The following DMBT1 variants were observed in gnomAD, a reference collection of about 807,000 sequenced individuals.
DMBT1 encodes deleted in malignant brain tumors 1, also known as scavenger receptor cysteine-rich domain-containing protein DMBT1.
DMBT1 carries 198 observed loss-of-function variants against 252.9 expected under a neutral mutation model. That is an observed-to-expected ratio of 0.78 (90% CI 0.70 to 0.88). The LOEUF (loss-of-function observed/expected upper bound fraction) is 0.88. Among genes scored for constraint, DMBT1 ranks in the 40% least tolerant of loss-of-function variants. The probability of loss-of-function intolerance (pLI) is 0.00; values close to 1 mark genes in which losing one functional copy is unlikely to be tolerated. For missense variants in DMBT1, 2,432 were observed against 2,404.7 expected (o/e 1.01, Z -0.24); for synonymous variants, 990 against 942.7 (o/e 1.05, Z -0.92).
chr10:122,588,470 C>T (rs1251466866), intron 16 of DMBT1, among the ~76,000 whole-genome samples: 1 of 148,988 alleles, frequency 6.7e-6, no homozygotes, highest in Non-Finnish European at 1.5e-5. Flanking sequence ...CCTATTCGAC[C>T]TCGTTCCTGG....
rs1336744168 is a variant in DMBT1, at chr10:122,576,639, A to G, written c.524A>G (p.Glu175Gly). 1 of 1,613,810 alleles carries G rather than the reference A, an allele frequency of 6.2e-7. No homozygotes were observed. Among genetic ancestry groups the G allele is most frequent in the African/African-American group, 1.3e-5 (1 of 75,046 alleles). ...ALDDVRCSGHESYLWSCPHNG... is the reference protein window; with the variant it reads ...ALDDVRCSGHGSYLWSCPHNG... ...GATGATGTGCGCTGCTCAGGACACG[A>G]ATCCTACCTGTGGAGCTGCCCCCAC... Residue 175 changes from glutamate (E) to glycine (G), a missense_variant, in exon 7 of 56, where the codon GAA becomes GGA. By Grantham distance (98) the Glu-to-Gly change is moderately conservative. Coordinates refer to ENST00000338354, the MANE Select transcript of DMBT1 (RefSeq NM_001377530.1).
chr10:122,633,193 G>T lies in DMBT1; in HGVS notation c.6400G>T (p.Asp2134Tyr). 2 of 1,613,914 alleles carry T rather than the reference G, an allele frequency of 1.2e-6. No homozygotes were observed. Among genetic ancestry groups the T allele is most frequent in the Non-Finnish European group, 1.7e-6 (2 of 1,179,810 alleles). The change falls in exon 52 of 56, where the codon GAT becomes TAT. Residue 2134 changes from aspartate to tyrosine, a missense_variant and splice_region_variant. This residue lies in a region of DMBT1 where 1,162 missense variants were observed against 1,169.0 expected (regional missense o/e 0.99). Transcript: ENST00000338354. ...ATTCCCACTTTTTGTCCTGACAGCA[G>T]ATTATTCCTGCGGAGGCTTCCTATC... ...PFLNITRPNT[D>Y]YSCGGFLSQP...
In DMBT1 at chr10:122,632,093, C is replaced by A. The variant is rs563252732; in HGVS notation, c.6367+218C>A. 4.6e-5 allele frequency among the ~76,000 whole-genome samples: 7 copies of A among 152,204 alleles called. No individual in the cohort carries two copies. In the South Asian group the frequency reaches 1.5e-3, roughly 32 times the overall value. On this transcript the variant is annotated intron_variant, in intron 50 of 55. Coordinates refer to ENST00000338354, the MANE Select transcript of DMBT1 (RefSeq NM_001377530.1). ...CCTAAGATTAGGATCTCCAGTCAGT[C>A]CCGAGGTGAGGCCCGCCACCTGTCA...
intron 26 of DMBT1, among the ~76,000 whole-genome samples, chr10:122,599,439 C>A (rs112243137): frequency 0.062 from 9,412 of 152,208 alleles, 321 homozygotes; most frequent in South Asian, 0.13. Flanking sequence ...GACAGCAAGG[C>A]GGGGTAGGGA....
At chr10:122,625,449 G>T (rs1476789328) in intron 45 of DMBT1, 146 bp downstream of exon 45, 3 of 811,430 alleles carry the variant, frequency 3.7e-6, no homozygotes, top group South Asian at 1.5e-5. Context: ...GTGACGAGCT[G>T]AGTTCCCACT....
chr10:122,574,101 T>C (rs1282613472), intron 6 of DMBT1, among the ~76,000 whole-genome samples: 1 of 152,202 alleles, frequency 6.6e-6, no homozygotes, highest in Non-Finnish European at 1.5e-5. Flanking sequence ...GATCTCTGGC[T>C]ACAGGGCCTT....
rs1164819466 is a variant in DMBT1, at chr10:122,640,457, G to A, written c.7352+8G>A. 1.2e-6 allele frequency: 2 copies of A among 1,606,916 alleles called. No homozygotes were observed. Among genetic ancestry groups the A allele is most frequent in the Admixed American group, 1.7e-5 (1 of 59,856 alleles). On this transcript the variant is annotated splice_region_variant and intron_variant, in intron 55 of 55. Transcript: ENST00000338354. ...TGATCTAATCCGGAGTGGGTAAGGA[G>A]TGTCTTTATGCGATGGCCTTAAACC...
In DMBT1 at chr10:122,620,427, T is replaced by A. The variant is rs1301001545; in HGVS notation, c.5284+136T>A. 3 of 1,030,864 alleles carry A rather than the reference T, an allele frequency of 2.9e-6. No individual in the cohort carries two copies. In the East Asian group the frequency reaches 7.4e-5, roughly 25 times the overall value. The allele number at this position is 1,030,864 out of a possible 1,614,324, so 63.9% of individuals were successfully genotyped here. ...CCGCGAGTTGCCTGGGGAGGTAGAC[T>A]CCCTGGGAACCTAGTCCTGGGTCAG... is the stretch of plus-strand genomic sequence containing the variant. On this transcript the variant is annotated intron_variant, in intron 43 of 55. Transcript: ENST00000338354.
In DMBT1 at chr10:122,586,256, C is replaced by A; in HGVS notation, c.1656C>A (p.Gly552=). Reference sequence around the variant, plus strand: ...CAGGAAATGCCCGGTTTGGTCAGGGCTCAGGACCCATTGTCCTGGATGACG... The same window carrying A: ...CAGGAAATGCCCGGTTTGGTCAGGGATCAGGACCCATTGTCCTGGATGACG... ...LAPGNARFGQ[G]SGPIVLDDVR... Residue 552 remains glycine (G), a synonymous_variant, in exon 16 of 56, where the codon GGC becomes GGA. Transcript: ENST00000338354. 7 of 1,588,828 alleles carry A rather than the reference C, an allele frequency of 4.4e-6. 1 individual carries two copies. The highest frequency in any genetic ancestry group is 6.0e-6 in the Non-Finnish European group (7 of 1,165,918).
Position 122,621,389 on chromosome 10 carries a change from TC to T in DMBT1, c.5608+10del. ...TGGTGTCATCTGCTCAGGTGGGCCTTCAAGACCTGGGGCTCCCTCTCTTGGG... is the reference window on the plus strand; with the variant it reads ...TGGTGTCATCTGCTCAGGTGGGCCTTAAGACCTGGGGCTCCCTCTCTTGGG... On this transcript the variant is annotated intron_variant, in intron 44 of 55. Coordinates refer to ENST00000338354, the MANE Select transcript of DMBT1 (RefSeq NM_001377530.1). The T allele has an allele frequency of 6.2e-7, 1 of 1,613,818 alleles. No individual in the cohort carries two copies. The highest frequency in any genetic ancestry group is 8.5e-7 in the Non-Finnish European group (1 of 1,179,752).
rs775567174 is a variant in DMBT1 at position 122,591,154 on chromosome 10, T to C, written c.2138-325T>C. The stretch of plus-strand genomic sequence containing the variant: ...CAGCTCCCTGATCCTTCTAACATTT[T>C]AGTTTCAAGCGTGAGAGGCTCAGCA... On this transcript the variant is annotated intron_variant, in intron 18 of 55. Transcript: ENST00000338354. Among the ~76,000 whole-genome samples the C allele has an allele frequency of 4.0e-5, 6 of 148,750 alleles. 1 individual carries two copies. The highest frequency in any genetic ancestry group is 7.5e-5 in the Non-Finnish European group (5 of 66,832).
At chr10:122,585,137 A>G in intron 14 of DMBT1, 134 bp from the exon 15 acceptor site, 1 of 1,204,418 alleles carries the variant, frequency 8.3e-7, no homozygotes, top group Non-Finnish European at 1.2e-6. Flanking sequence ...ACTTGGGCAG[A>G]CACATGGGGA....
chr10:122,576,393 C>T lies in DMBT1; in HGVS notation c.284-6C>T. On this transcript the variant is annotated splice_region_variant and splice_polypyrimidine_tract_variant and intron_variant, in intron 6 of 55. Transcript: ENST00000338354. ...TGTGCAAGAGAAATTCTGTGCCTTCCTCTAGGATCTGATTCTGGTTTGGCC... is the reference window on the plus strand; with the variant it reads ...TGTGCAAGAGAAATTCTGTGCCTTCTTCTAGGATCTGATTCTGGTTTGGCC... The T allele has an allele frequency of 6.2e-7, 1 of 1,613,180 alleles. No homozygotes were observed. Among genetic ancestry groups the T allele is most frequent in the Non-Finnish European group, 8.5e-7 (1 of 1,179,438 alleles).
In DMBT1 at chr10:122,598,044, C is replaced by T. The variant is rs777567872; in HGVS notation, c.2956+32C>T. 23 of 1,613,494 alleles carry T rather than the reference C, an allele frequency of 1.4e-5. No homozygotes were observed. In the Admixed American group the frequency reaches 3.3e-4, roughly 23 times the overall value. On this transcript the variant is annotated intron_variant, in intron 25 of 55. Transcript: ENST00000338354. The stretch of plus-strand genomic sequence containing the variant: ...ATTCCTCTCGCCCCTCCCTAGGGCT[C>T]ACTCTCTACCTCTGGACAAATGTTT...
intron 53 of DMBT1, 62 bp from the exon 54 acceptor site, chr10:122,637,066 C>G: frequency 6.6e-7 from 1 of 1,512,814 alleles, no homozygotes; most frequent in Non-Finnish European, 9.0e-7. Context: ...CAGCCTCTGG[C>G]CCCGTAGGAC....
intron 46 of DMBT1, among the ~76,000 whole-genome samples, 196 bp downstream of exon 46, chr10:122,626,161 T>C (rs993392141): frequency 6.6e-6 from 1 of 152,170 alleles, no homozygotes; most frequent in Admixed American, 6.5e-5. Flanking sequence ...CTTAAAGGCT[T>C]TTATTTTGGG....
At chr10:122,586,517 A>C in intron 16 of DMBT1, 134 bp downstream of exon 16, 1 of 1,380,150 alleles carries the variant, frequency 7.2e-7, no homozygotes, top group Non-Finnish European at 9.7e-7. Context: ...GCTCTCTCCT[A>C]GGAAACCGCA....
Position 122,625,230 on chromosome 10 carries a change from C to A in DMBT1, c.5609-47C>A, listed in dbSNP as rs201599026. ...GGCACTCAGCATTTCTCTCGCTCAT[C>A]ATCCTGGGCACTGGGACTGACTCAT... On this transcript the variant is annotated intron_variant, in intron 44 of 55. Transcript: ENST00000338354. 1.2e-5 allele frequency: 19 copies of A among 1,592,882 alleles called. 2 individuals are homozygous for A. Among genetic ancestry groups the A allele is most frequent in the Middle Eastern group, 1.7e-4 (1 of 6,030 alleles).
intron 46 of DMBT1, among the ~76,000 whole-genome samples, chr10:122,627,822 A>C (rs2098129016): frequency 6.6e-6 from 1 of 152,218 alleles, no homozygotes; most frequent in South Asian, 2.1e-4. Flanking sequence ...TAGGATATAT[A>C]AGTGACTCTT....
Sources: gnomAD v4.1 joint callset for allele counts (sites outside exome capture counted in the v4.1 genomes callset) on GRCh38, gnomAD v4.1.1 for gene constraint, gnomAD v4.1.1 regional missense constraint, MANE v1.5 for transcripts, NCBI Gene and HGNC (gene_info 2026-07-23, HGNC 2026-07-21) for gene names.